Variants in DTNB observed in about 807,000 individuals in gnomAD.
DTNB encodes the protein dystrobrevin beta, also known as DTN-B.
A neutral mutation model predicts 90.7 loss-of-function variants in DTNB; 63 were observed. The ratio of observed to expected loss-of-function variants is 0.69; its 90% CI spans 0.57 to 0.86. DTNB has a LOEUF of 0.86. DTNB is among the 40% of genes least tolerant of loss of function. DTNB has a pLI of 0.00. For missense variants in DTNB, 744 were observed against 807.1 expected, an observed-to-expected ratio of 0.92 and a Z score of 0.95; for synonymous variants, 277 against 286.7, an observed-to-expected ratio of 0.97 and a Z score of 0.34.
intron 4 of DTNB, 140 bp from the exon 5 acceptor site, chr2:25,607,461 T>TA (rs2067369192): frequency 2.5e-6 from 1 of 396,792 alleles, no homozygotes; most frequent in Non-Finnish European, 4.0e-6. Flanking sequence ...AAACCCTGGA[T>TA]TTTTTTTTTT....
chr2:25,412,457 G>A (rs1040132865), intron 16 of DTNB, among the ~76,000 whole-genome samples: 1 of 152,144 alleles, frequency 6.6e-6, no homozygotes, highest in Non-Finnish European at 1.5e-5. Context: ...ATTATCCTTT[G>A]GCCCACTGCC....
At chr2:25,609,684 AC>A (rs2068049237) in intron 4 of DTNB, among the ~76,000 whole-genome samples, 3 of 150,960 alleles carry the variant, frequency 2.0e-5, no homozygotes, top group Non-Finnish European at 4.4e-5. Context: ...ACACACACAC[AC>A]ACACACACAC....
At chr2:25,394,918 AGATACTT>A in intron 16 of DTNB, among the ~76,000 whole-genome samples, 1 of 152,352 alleles carries the variant, frequency 6.6e-6, no homozygotes, top group East Asian at 1.9e-4. Context: ...TATACAAAAA[AGATACTT>A]GCATACGCAT....
At position 25,424,469 on chromosome 2, in the gene DTNB, A is replaced by G. The variant is rs2149850145; in HGVS notation, c.1554+3066T>C. ...GGGGTCAGTAGTTCTGGGGATCACT[A>G]AGACAATCCAACTGAAAGGCAATGG... On this transcript the variant is annotated intron_variant, in intron 15 of 20. Coordinates refer to ENST00000406818, the MANE Select transcript of DTNB (RefSeq NM_021907.5). This position sits in a 1 kb window ranked among gnomAD's most constrained non-coding sequence, Gnocchi z 4.1. 6.6e-6 allele frequency among the ~76,000 whole-genome samples: 1 copy of G among 152,272 alleles called. No homozygotes were observed. Among genetic ancestry groups the G allele is most frequent in the African/African-American group, 2.4e-5 (1 of 41,532 alleles).
intron 6 of DTNB, among the ~76,000 whole-genome samples, chr2:25,590,258 T>A (rs1319325947): frequency 4.6e-5 from 7 of 152,212 alleles, no homozygotes; most frequent in Non-Finnish European, 7.3e-5. Context: ...AAGGGGCATA[T>A]TTCAGCCCTG....
chr2:25,662,168 AC>A (rs1474091472), intron 1 of DTNB, among the ~76,000 whole-genome samples: 3 of 151,266 alleles, frequency 2.0e-5, no homozygotes, highest in Non-Finnish European at 3.0e-5. Flanking sequence ...AAAAAAAAAA[AC>A]AAAAAAAACA....
chr2:25,572,190 G>A (rs894233836), intron 8 of DTNB, among the ~76,000 whole-genome samples: 21 of 152,106 alleles, frequency 1.4e-4, no homozygotes, highest in African/African-American at 3.1e-4. Context: ...GCACCAGGCC[G>A]GGCGCGGTGG....
chr2:25,382,729 A>G (rs921434963), intron 19 of DTNB, among the ~76,000 whole-genome samples: 1 of 151,930 alleles, frequency 6.6e-6, no homozygotes, highest in African/African-American at 2.4e-5. Context: ...GGGTTTCACC[A>G]TGTTGGCCAG....
chr2:25,487,902 A>G (rs989387505), intron 9 of DTNB, among the ~76,000 whole-genome samples: 1 of 152,202 alleles, frequency 6.6e-6, no homozygotes, highest in African/African-American at 2.4e-5. Context: ...TTTATATTGC[A>G]GGCAGCAGGA....
intron 10 of DTNB, among the ~76,000 whole-genome samples, chr2:25,464,128 C>T (rs574451555): frequency 1.2e-4 from 18 of 152,202 alleles, no homozygotes; most frequent in Admixed American, 5.9e-4. Context: ...AGGCTGGTCT[C>T]GAACTCCTGA....
At chr2:25,666,276 A>C (rs976700149) in intron 1 of DTNB, among the ~76,000 whole-genome samples, 3 of 152,198 alleles carry the variant, frequency 2.0e-5, no homozygotes, top group Non-Finnish European at 2.9e-5. Flanking sequence ...ATGTTAAAGA[A>C]GGGAAAAAAT....
chr2:25,454,839 G>A (rs925647365), intron 11 of DTNB, among the ~76,000 whole-genome samples: 1 of 152,178 alleles, frequency 6.6e-6, no homozygotes, highest in Non-Finnish European at 1.5e-5. Context: ...TATAATATGA[G>A]AGGGTCTACA....
chr2:25,589,228 G>A (rs1324678093), intron 6 of DTNB, among the ~76,000 whole-genome samples: 1 of 152,108 alleles, frequency 6.6e-6, no homozygotes, highest in African/African-American at 2.4e-5. Flanking sequence ...TGAATCAAGG[G>A]AAATGTGGCA....
At chr2:25,441,044 G>A (rs563239923) in intron 12 of DTNB, among the ~76,000 whole-genome samples, 2 of 152,124 alleles carry the variant, frequency 1.3e-5, no homozygotes, top group Non-Finnish European at 2.9e-5. Context: ...CCTGGTTCAC[G>A]TGGAAGGACA....
chr2:25,578,169 A>C (rs984170765), intron 7 of DTNB, among the ~76,000 whole-genome samples: 1 of 152,224 alleles, frequency 6.6e-6, no homozygotes, highest in African/African-American at 2.4e-5. Context: ...ACTCAAAAAA[A>C]ATTGAGTATG....
chr2:25,582,625 T>C (rs376072905), intron 6 of DTNB, among the ~76,000 whole-genome samples: 1 of 152,010 alleles, frequency 6.6e-6, no homozygotes, highest in East Asian at 1.9e-4. Context: ...ATGGAACTAC[T>C]GGGGGGCGGG....
chr2:25,468,996 T>C (rs1441089893), intron 10 of DTNB, among the ~76,000 whole-genome samples: 1 of 151,832 alleles, frequency 6.6e-6, no homozygotes, highest in Non-Finnish European at 1.5e-5. Flanking sequence ...TTACCGAGTA[T>C]CTATGTGCCA....
At chr2:25,652,915 G>T in intron 1 of DTNB, 1 of 326,790 alleles carries the variant, frequency 3.1e-6, no homozygotes, top group East Asian at 5.2e-5. Flanking sequence ...AAAATATGGG[G>T]CTGACTTACT....
chr2:25,541,867 A>T (rs1194340429), intron 8 of DTNB, among the ~76,000 whole-genome samples: 1 of 152,206 alleles, frequency 6.6e-6, no homozygotes, highest in Non-Finnish European at 1.5e-5. Context: ...ACCATTTTGA[A>T]TTCCACCAAT....
Sources: gnomAD v4.1 joint callset for allele counts (sites outside exome capture counted in the v4.1 genomes callset) on GRCh38, gnomAD v4.1.1 for gene constraint, Gnocchi (gnomAD v3.1) non-coding constraint, MANE v1.5 for transcripts, NCBI Gene and HGNC (gene_info 2026-07-23, HGNC 2026-07-21) for gene names.